IL1RL2: variants seen among roughly 807,000 people sequenced by gnomAD.
IL1RL2 encodes the protein interleukin-1 receptor-like 2.
IL1RL2 carries 68 observed loss-of-function variants against 66.8 expected under a neutral mutation model. The ratio of observed to expected loss-of-function variants is 1.02; its 90% CI spans 0.84 to 1.25. The LOEUF is 1.25. Among genes scored for constraint, IL1RL2 ranks in the 50% most tolerant of loss-of-function variants. IL1RL2 has a pLI of 0.00. For synonymous variants in IL1RL2, 305 were observed against 264.6 expected (o/e 1.15, Z -1.48); for missense variants, 729 against 709.3 (o/e 1.03, Z -0.32).
chr2:102,207,658 G>A (rs1688815741), intron 5 of IL1RL2, among the ~76,000 whole-genome samples: 1 of 152,060 alleles, frequency 6.6e-6, no homozygotes, highest in African/African-American at 2.4e-5. Context: ...TTAAGCAGAA[G>A]GAAAGCGTCT....
intron 6 of IL1RL2, among the ~76,000 whole-genome samples, chr2:102,213,650 A>T (rs1323325467): frequency 1.3e-5 from 2 of 152,194 alleles, no homozygotes; most frequent in African/African-American, 4.8e-5. Context: ...GTCATATCAA[A>T]TTTCATGGCA....
intron 5 of IL1RL2, among the ~76,000 whole-genome samples, 182 bp from the exon 6 acceptor site, chr2:102,211,918 A>AT (rs138145179): frequency 0.018 from 2,702 of 150,242 alleles, 65 homozygotes; most frequent in African/African-American, 0.058. Flanking sequence ...CTTCTAGCTT[A>AT]TTTTTTTTTT....
intron 6 of IL1RL2, among the ~76,000 whole-genome samples, chr2:102,212,847 T>C (rs1013807637): frequency 3.3e-5 from 5 of 152,106 alleles, no homozygotes; most frequent in African/African-American, 1.2e-4. Flanking sequence ...CAGGCGCCTG[T>C]AGTCCCAGCT....
Position 102,239,379 on chromosome 2 carries a change from G to A in IL1RL2, c.*138G>A, listed in dbSNP as rs1201739929. On this transcript the variant is annotated 3_prime_UTR_variant, in exon 12 of 12. Transcript: ENST00000264257. ...CCCAGTTGAGCTCAGGCGTAGAGAA[G>A]AGGAGGATGGGATAAGAACTGGGGC... 1.3e-6 allele frequency: 1 copy of A among 766,738 alleles called. No individual in the cohort carries two copies. Among genetic ancestry groups the A allele is most frequent in the South Asian group, 1.5e-5 (1 of 67,664 alleles). 47.5% of individuals were successfully genotyped at this position (766,738 alleles called of 1,614,324 possible). A position where few individuals can be genotyped will look rare whatever the true frequency, so the allele number is the denominator to read the frequency against.
intron 11 of IL1RL2, 119 bp from the exon 12 acceptor site, chr2:102,239,073 T>C (rs1460998896): frequency 3.7e-6 from 3 of 805,888 alleles, no homozygotes; most frequent in East Asian, 2.6e-5. Flanking sequence ...CTCAGGGATA[T>C]ACCACCAGAT....
At position 102,201,588 on chromosome 2, in the gene IL1RL2, T is replaced by C. The variant is rs760475039; in HGVS notation, c.522T>C (p.Thr174=). ...DCNEIKGERF[T]VLETRLLVSN... ...ACGAGATTAAAGGGGAGCGGTTCAC[T>C]GTTTTGGAAACCAGGCTTTTGGTGA... The change falls in exon 5 of 12, where the codon ACT becomes ACC. Residue 174 remains threonine, a synonymous_variant. Transcript: ENST00000264257. 4 of 1,614,116 alleles carry C rather than the reference T, an allele frequency of 2.5e-6. No individual in the cohort carries two copies. The South Asian group carries it at 4.4e-5, about 18-fold the overall frequency.
chr2:102,191,679 G>A (rs988269954), intron 3 of IL1RL2, among the ~76,000 whole-genome samples: 11 of 152,166 alleles, frequency 7.2e-5, no homozygotes, highest in African/African-American at 1.9e-4. Context: ...GGCACATGGC[G>A]TCCACTTGCC....
chr2:102,216,194 T>C (rs1689600194), intron 6 of IL1RL2, among the ~76,000 whole-genome samples: 1 of 152,126 alleles, frequency 6.6e-6, no homozygotes, highest in South Asian at 2.1e-4. Flanking sequence ...ATAGATATTA[T>C]AAAAAAGAAC....
At chr2:102,191,374 C>A (rs542903966) in intron 3 of IL1RL2, among the ~76,000 whole-genome samples, 2 of 152,292 alleles carry the variant, frequency 1.3e-5, no homozygotes, top group East Asian at 1.9e-4. Context: ...ATATTCTAAT[C>A]TTATCAATGA....
chr2:102,206,973 A>G (rs1688760312), intron 5 of IL1RL2, among the ~76,000 whole-genome samples: 1 of 151,562 alleles, frequency 6.6e-6, no homozygotes, highest in Non-Finnish European at 1.5e-5. Flanking sequence ...AGTCCTTCCC[A>G]CTCTTCCCTC....
In IL1RL2 at chr2:102,239,825, T is replaced by C. The variant is rs1452073970; in HGVS notation, c.*584T>C. The C allele has an allele frequency of 6.4e-6, 1 of 155,408 alleles. No homozygotes were observed. Among genetic ancestry groups the C allele is most frequent in the Non-Finnish European group, 1.4e-5 (1 of 69,718 alleles). 9.6% of individuals were successfully genotyped at this position (155,408 alleles called of 1,614,324 possible). The stretch of plus-strand genomic sequence containing the variant: ...TGAGAGCTGGGGGGATCACCTGTCA[T>C]GGTGGGTGAGAGTTGGGATTCATCC... On this transcript the variant is annotated 3_prime_UTR_variant, in exon 12 of 12. Transcript: ENST00000264257.
intron 8 of IL1RL2, among the ~76,000 whole-genome samples, chr2:102,222,490 C>T (rs970799532): frequency 6.6e-5 from 10 of 152,216 alleles, no homozygotes; most frequent in East Asian, 3.9e-4. Flanking sequence ...TACTGATAGG[C>T]GATGAAATGG....
intron 5 of IL1RL2, among the ~76,000 whole-genome samples, chr2:102,203,705 G>T (rs1688462844): frequency 6.6e-6 from 1 of 152,012 alleles, no homozygotes; most frequent in African/African-American, 2.4e-5. Context: ...TTGGCATACA[G>T]TTGCTCATAG....
intron 8 of IL1RL2, among the ~76,000 whole-genome samples, chr2:102,221,212 A>C: frequency 6.6e-6 from 1 of 151,978 alleles, no homozygotes; most frequent in African/African-American, 2.4e-5. Flanking sequence ...TCCCCCAGTC[A>C]GTCTTGTGTT....
intron 5 of IL1RL2, among the ~76,000 whole-genome samples, chr2:102,204,463 C>T (rs1688531349): frequency 6.6e-6 from 1 of 152,002 alleles, no homozygotes; most frequent in African/African-American, 2.4e-5. Context: ...AAGATCTGTC[C>T]AATGCTGAAA....
rs1213740967 is a variant in IL1RL2 at position 102,187,902 on chromosome 2, C to T, written c.35C>T (p.Ala12Val). 6.2e-7 allele frequency: 1 copy of T among 1,614,018 alleles called. No individual in the cohort carries two copies. The highest frequency in any genetic ancestry group is 1.3e-5 in the African/African-American group (1 of 74,924). ...WSLLLCGLSI[A>V]LPLSVTADGC... is the part of the protein sequence containing the mutation. ...TTGCTGCTCTGCGGGTTGTCCATCG[C>T]CCTTCCACTGTCTGTCACAGCAGGT... is the stretch of plus-strand genomic sequence containing the variant. Residue 12 changes from alanine to valine, a missense_variant, in exon 2 of 12, where the codon GCC (alanine) becomes GTC (valine). Physicochemically the swap from Ala to Val is moderately conservative, Grantham distance 64 (BLOSUM62 0). Coordinates refer to ENST00000264257, the MANE Select transcript of IL1RL2 (RefSeq NM_003854.4).
Position 102,235,269 on chromosome 2 carries a change from G to A in IL1RL2, c.1670G>A (p.Arg557His), listed in dbSNP as rs145594486. 7.4e-5 allele frequency: 120 copies of A among 1,612,540 alleles called. No homozygotes were observed. In the African/African-American group the frequency reaches 1.1e-3, roughly 15 times the overall value. The change falls in exon 11 of 12, where the codon CGC (arginine) becomes CAC (histidine). Residue 557 changes from arginine to histidine, a missense_variant. Arg to His is a conservative substitution (Grantham distance 29). Coordinates refer to ENST00000264257, the MANE Select transcript of IL1RL2 (RefSeq NM_003854.4). ...CTGCTGCAGCACACACCTTGCTACC[G>A]CACCGCAGGTGAGCGGGTGGGAGGA... The part of the protein sequence containing the change: ...VQLLQHTPCY[R>H]TAGPELGSRR...
upstream of IL1RL2, chr2:102,187,012 G>A: frequency 7.8e-6 from 10 of 1,289,658 alleles, no homozygotes; most frequent in Non-Finnish European, 1.0e-5. Context: ...GCATGGAAGT[G>A]GCATGACAGG....
chr2:102,229,163 T>C (rs1690904775), intron 9 of IL1RL2, among the ~76,000 whole-genome samples: 1 of 152,238 alleles, frequency 6.6e-6, no homozygotes, highest in Non-Finnish European at 1.5e-5. Flanking sequence ...CTTTAGACAG[T>C]ATTTCATAGA....
Sources: allele counts gnomAD v4.1 joint callset (sites outside exome capture counted in the v4.1 genomes callset), GRCh38; gene constraint gnomAD v4.1.1; transcripts MANE v1.5; gene names NCBI Gene and HGNC (gene_info 2026-07-23, HGNC 2026-07-21).